Variants in GLRA3 observed in about 807,000 individuals in gnomAD.
GLRA3 encodes the protein glycine receptor subunit alpha-3.
A neutral mutation model predicts 60.4 loss-of-function variants in GLRA3; 44 were observed. That is an observed-to-expected ratio of 0.73 (90% CI 0.57 to 0.94). GLRA3 has a LOEUF of 0.94. Ranked by LOEUF, GLRA3 falls within the 40% of genes least tolerant of loss-of-function variation. GLRA3 has a pLI of 0.00. For synonymous variants in GLRA3, 223 were observed against 192.9 expected (o/e 1.16, Z -1.29); for missense variants, 508 against 564.6 (o/e 0.90, Z 1.02).
chr4:174,728,804 T>C, intron 3 of GLRA3, 106 bp from the exon 4 acceptor site: 1 of 654,468 alleles, frequency 1.5e-6, no homozygotes, highest in Non-Finnish European at 2.6e-6. Flanking sequence ...CTGTAGAAAA[T>C]ATACCCCTCT....
chr4:174,734,270 A>G (rs112769965), intron 3 of GLRA3, among the ~76,000 whole-genome samples: 9 of 152,320 alleles, frequency 5.9e-5, no homozygotes, highest in African/African-American at 2.2e-4. Context: ...GTGCTGTACA[A>G]TATAGGTTCC....
chr4:174,721,867 ATATGTGTGTG>A (rs1736145703), intron 4 of GLRA3, among the ~76,000 whole-genome samples: 1 of 97,620 alleles, frequency 1.0e-5, no homozygotes, highest in African/African-American at 4.2e-5. Context: ...ATGTGTGTGT[ATATGTGTGTG>A]TATATATATA....
intron 1 of GLRA3, among the ~76,000 whole-genome samples, chr4:174,807,731 T>A (rs1740106033): frequency 6.6e-6 from 1 of 152,106 alleles, no homozygotes; most frequent in African/African-American, 2.4e-5. Flanking sequence ...GATAAAAAGA[T>A]AAAGCCTTTG....
chr4:174,752,516 G>A (rs1737528834), intron 3 of GLRA3, among the ~76,000 whole-genome samples: 1 of 152,100 alleles, frequency 6.6e-6, no homozygotes, highest in Admixed American at 6.6e-5. Context: ...ATTGGAGAGA[G>A]AGAGAATGAG....
intron 9 of GLRA3, among the ~76,000 whole-genome samples, chr4:174,647,145 G>A (rs992037298): frequency 5.9e-5 from 9 of 152,142 alleles, no homozygotes; most frequent in South Asian, 4.1e-4. Flanking sequence ...GGAGGCTCAC[G>A]CCCATAATCG....
chr4:174,803,662 G>C (rs1010217255), intron 1 of GLRA3, among the ~76,000 whole-genome samples: 1 of 152,106 alleles, frequency 6.6e-6, no homozygotes, highest in Admixed American at 6.6e-5. Flanking sequence ...CTGAAATTTG[G>C]CTTTTTCATT....
intron 5 of GLRA3, among the ~76,000 whole-genome samples, chr4:174,711,819 T>C (rs1049536807): frequency 6.6e-6 from 1 of 152,210 alleles, no homozygotes; most frequent in Non-Finnish European, 1.5e-5. Flanking sequence ...AAAATTATTC[T>C]GGACTTTTTC....
chr4:174,702,318 T>A (rs979663949), intron 5 of GLRA3, among the ~76,000 whole-genome samples: 1 of 152,200 alleles, frequency 6.6e-6, no homozygotes, highest in Admixed American at 6.5e-5. Context: ...AATTAAGATA[T>A]GTACATTATT....
At chr4:174,717,364 A>G (rs201838164) in intron 4 of GLRA3, among the ~76,000 whole-genome samples, 2 of 149,944 alleles carry the variant, frequency 1.3e-5, no homozygotes, top group East Asian at 2.0e-4. Context: ...AGAAAGAAGG[A>G]AAGGAAGGAA....
chr4:174,815,876 T>C (rs767727674), intron 1 of GLRA3, among the ~76,000 whole-genome samples: 3 of 152,210 alleles, frequency 2.0e-5, no homozygotes, highest in Non-Finnish European at 4.4e-5. Context: ...TGACTAACAT[T>C]TGGCTTCCCA....
rs1006166769 is a variant in GLRA3, at chr4:174,641,994, A to G, written c.*1792T>C. 5.3e-6 allele frequency: 1 copy of G among 188,792 alleles called. No homozygotes were observed. The highest frequency in any genetic ancestry group is 2.4e-5 in the African/African-American group (1 of 42,078). 11.7% of individuals were successfully genotyped at this position (188,792 alleles called of 1,614,324 possible). ...GCATATGTTTAATTTTCAGGTGCAC[A>G]GTCCTCAACGTGGGTACTTACAGAG... is the stretch of plus-strand genomic sequence containing the variant. On this transcript the variant is annotated 3_prime_UTR_variant, in exon 10 of 10. Coordinates refer to ENST00000274093, the MANE Select transcript of GLRA3 (RefSeq NM_006529.4).
intron 5 of GLRA3, among the ~76,000 whole-genome samples, chr4:174,684,836 C>T (rs1561053720): frequency 6.6e-6 from 1 of 152,088 alleles, no homozygotes; most frequent in Non-Finnish European, 1.5e-5. Flanking sequence ...GGTGAAAGCC[C>T]GTTTCTACTA....
At chr4:174,728,729 A>G (rs773467478) in intron 3 of GLRA3, 31 bp from the exon 4 acceptor site, 116 of 1,366,054 alleles carry the variant, frequency 8.5e-5, no homozygotes, top group Non-Finnish European at 1.2e-4. Flanking sequence ...AAAGAAAAAA[A>G]AAAACCCTGC....
At chr4:174,799,162 A>G (rs1319930041) in intron 1 of GLRA3, among the ~76,000 whole-genome samples, 1 of 152,206 alleles carries the variant, frequency 6.6e-6, no homozygotes, top group African/African-American at 2.4e-5. Context: ...TAATATACAT[A>G]TCATTTAATT....
In GLRA3 at chr4:174,676,927, C is replaced by T; in HGVS notation, c.927+151G>A. 3 of 558,460 alleles carry T rather than the reference C, an allele frequency of 5.4e-6. 1 individual carries two copies. The highest frequency in any genetic ancestry group is 3.2e-6 in the Non-Finnish European group (1 of 312,614). The allele number at this position is 558,460 out of a possible 1,614,324, so 34.6% of individuals were successfully genotyped here. On this transcript the variant is annotated intron_variant, in intron 7 of 9. Transcript: ENST00000274093. ...ATTTTTTTCATTTATTTCTGTTTTA[C>T]ATGTTTTCTGCTTTGGTTATATATT...
intron 7 of GLRA3, among the ~76,000 whole-genome samples, chr4:174,660,944 A>T (rs1237438256): frequency 6.6e-6 from 1 of 152,176 alleles, no homozygotes; most frequent in African/African-American, 2.4e-5. Flanking sequence ...CCGTTTGACA[A>T]GTCGCCCTCA....
At chr4:174,645,149 C>T (rs938368400) in intron 9 of GLRA3, among the ~76,000 whole-genome samples, 6 of 152,064 alleles carry the variant, frequency 3.9e-5, no homozygotes, top group Non-Finnish European at 8.8e-5. Context: ...CATAGTGGCT[C>T]ATGCCTGTAA....
intron 1 of GLRA3, among the ~76,000 whole-genome samples, chr4:174,825,293 A>G (rs958923426): frequency 2.0e-5 from 3 of 152,114 alleles, no homozygotes; most frequent in Non-Finnish European, 4.4e-5. Context: ...GACAACATTA[A>G]AAAGGATTCC....
At chr4:174,744,410 C>T (rs1450541602) in intron 3 of GLRA3, among the ~76,000 whole-genome samples, 11 of 152,346 alleles carry the variant, frequency 7.2e-5, no homozygotes, top group Admixed American at 6.5e-4. Context: ...CAGGCACATT[C>T]GAAACCCTGC....
Sources: allele counts gnomAD v4.1 joint callset (sites outside exome capture counted in the v4.1 genomes callset), GRCh38; gene constraint gnomAD v4.1.1; transcripts MANE v1.5; gene names NCBI Gene and HGNC (gene_info 2026-07-23, HGNC 2026-07-21).